Variants in ELMO2 observed in about 807,000 individuals in gnomAD.
ELMO2 encodes engulfment and cell motility 2, also known as engulfment and cell motility protein 2.
ELMO2 carries 37 observed loss-of-function variants against 96.2 expected under a neutral mutation model. The ratio of observed to expected loss-of-function variants is 0.38; its 90% confidence interval spans 0.30 to 0.51. ELMO2 has a LOEUF of 0.51. Among genes scored for constraint, ELMO2 ranks in the 20% least tolerant of loss-of-function variants. ELMO2 has a pLI of 0.88. For missense variants in ELMO2, 561 were observed against 912.6 expected, an observed-to-expected ratio of 0.61 and a Z score of 4.96; for synonymous variants, 315 against 329.4, an observed-to-expected ratio of 0.96 and a Z score of 0.47.
chr20:46,376,833 G>C, intron 11 of ELMO2: 2 of 1,265,844 alleles, frequency 1.6e-6, no homozygotes, highest in South Asian at 2.5e-5. Flanking sequence ...GTGCTGTCCA[G>C]TATAGCAGCC....
At chr20:46,391,681 T>A (rs941241437) in intron 6 of ELMO2, among the ~76,000 whole-genome samples, 2 of 152,212 alleles carry the variant, frequency 1.3e-5, no homozygotes, top group African/African-American at 4.8e-5. Context: ...TTCTATTGAT[T>A]ACCTGCTTTC....
intron 2 of ELMO2, among the ~76,000 whole-genome samples, chr20:46,396,477 G>A (rs2060246669): frequency 6.6e-6 from 1 of 152,020 alleles, no homozygotes; most frequent in Admixed American, 6.5e-5. Flanking sequence ...CACTCAAAAC[G>A]AGACACTGAA....
chr20:46,383,571 C>T (rs2145808109), intron 9 of ELMO2, 77 bp from the exon 10 acceptor site: 1 of 1,313,686 alleles, frequency 7.6e-7, no homozygotes, highest in East Asian at 2.3e-5. Flanking sequence ...TGGTTTAAAA[C>T]AATCACTCAC....
chr20:46,370,197 AC>A (rs1441464329), intron 20 of ELMO2: 2 of 639,622 alleles, frequency 3.1e-6, no homozygotes, highest in Non-Finnish European at 5.8e-6. Context: ...ACAGTGTGAT[AC>A]TTGGGACTTT....
chr20:46,402,476 T>C (rs1027881358), intron 1 of ELMO2, among the ~76,000 whole-genome samples: 1 of 152,240 alleles, frequency 6.6e-6, no homozygotes, highest in African/African-American at 2.4e-5. Flanking sequence ...CCTCAGTTTT[T>C]GGAAATGAGA....
chr20:46,396,211 CT>C (rs976355482), intron 2 of ELMO2, among the ~76,000 whole-genome samples: 2 of 152,192 alleles, frequency 1.3e-5, no homozygotes, highest in African/African-American at 4.8e-5. Context: ...GGAAAATGCT[CT>C]GCTCCAGTTA....
intron 6 of ELMO2, chr20:46,390,991 A>C (rs961736401): frequency 3.9e-5 from 6 of 152,432 alleles, no homozygotes; most frequent in African/African-American, 1.4e-4. Flanking sequence ...CTCCAACTCC[A>C]AATGTCAATT....
rs2059851254 is a variant in ELMO2 at position 46,375,906 on chromosome 20, C to T, written c.808-116G>A. ...GGAAGGGAACAGAGCTTTCCTCCCA[C>T]ACACGAGGACTTCATATTCTAGAAG... On this transcript the variant is annotated intron_variant, in intron 11 of 21. Coordinates refer to ENST00000290246, the MANE Select transcript of ELMO2 (RefSeq NM_133171.5). This position sits in a 1 kb window ranked among gnomAD's most constrained non-coding sequence, Gnocchi z 4.6. 7.4e-7 allele frequency: 1 copy of T among 1,350,250 alleles called. No individual in the cohort carries two copies. The highest frequency in any genetic ancestry group is 1.0e-6 in the Non-Finnish European group (1 of 988,314). The allele number at this position is 1,350,250 out of a possible 1,614,324, so 83.6% of individuals were successfully genotyped here.
At chr20:46,370,670 G>C (rs1289070773) in intron 19 of ELMO2, 145 bp from the exon 20 acceptor site, 3 of 755,824 alleles carry the variant, frequency 4.0e-6, no homozygotes, top group East Asian at 5.1e-5. Context: ...GCTCAGTGAG[G>C]GTGGTGGGGA....
Position 46,373,485 on chromosome 20 carries a change from C to T in ELMO2, c.1330G>A (p.Ala444Thr). The T allele has an allele frequency of 6.2e-7, 1 of 1,614,180 alleles. No homozygotes were observed. The change falls in exon 16 of 22, where the codon GCC becomes ACC. Residue 444 changes from alanine (A) to threonine (T), a missense_variant. Transcript: ENST00000290246. ...CAGATTCCAAAGAGCTCTTCAAAGG[C>T]TCGGTCATGGGTAAAGAACATCGGG... ...YHPMFFTHDR[A>T]FEELFGICIQ...
chr20:46,401,790 C>T (rs1208521007), intron 1 of ELMO2, among the ~76,000 whole-genome samples: 1 of 152,198 alleles, frequency 6.6e-6, no homozygotes, highest in East Asian at 1.9e-4. Context: ...ACTCAACCTT[C>T]AAGGCCCAGC....
Position 46,367,476 on chromosome 20 carries a change from G to C in ELMO2, c.2047C>G (p.Leu683Val). The change falls in exon 22 of 22, where the codon CTG becomes GTG. Residue 683 changes from leucine to valine, a missense_variant. Transcript: ENST00000290246. Reference protein sequence around the residue: ...ELTKSDLDTLLSMEMKLRLLD... With the variant: ...ELTKSDLDTLVSMEMKLRLLD... The stretch of plus-strand genomic sequence containing the variant: ...AGCCGCAGCTTCATCTCCATGCTCA[G>C]CAGGGTGTCCAGGTCACTCTTGGTC... The C allele has an allele frequency of 6.2e-7, 1 of 1,613,818 alleles. No homozygotes were observed. The highest frequency in any genetic ancestry group is 8.5e-7 in the Non-Finnish European group (1 of 1,179,922).
intron 6 of ELMO2, among the ~76,000 whole-genome samples, chr20:46,390,283 G>A (rs1287335788): frequency 6.6e-6 from 1 of 152,128 alleles, no homozygotes; most frequent in Non-Finnish European, 1.5e-5. Context: ...TGTCAAAGAC[G>A]CTGTAGAAGG....
intron 2 of ELMO2, among the ~76,000 whole-genome samples, chr20:46,394,869 A>G (rs950682016): frequency 2.0e-5 from 3 of 152,238 alleles, no homozygotes; most frequent in African/African-American, 7.2e-5. Context: ...GGAGAGAAGC[A>G]TATGCTCCGA....
chr20:46,370,539 G>A lies in ELMO2; in HGVS notation c.1802-14C>T. 6.2e-7 allele frequency: 1 copy of A among 1,612,552 alleles called. No homozygotes were observed. Among genetic ancestry groups the A allele is most frequent in the Non-Finnish European group, 8.5e-7 (1 of 1,178,726 alleles). On this transcript the variant is annotated splice_polypyrimidine_tract_variant and intron_variant, in intron 19 of 21. Coordinates refer to ENST00000290246, the MANE Select transcript of ELMO2 (RefSeq NM_133171.5). Reference sequence around the variant, plus strand: ...CTGCAACAGGAACTGATAAATGATGGGAATTAGTCTCTGGAAGTTCATGCT... The same window carrying A: ...CTGCAACAGGAACTGATAAATGATGAGAATTAGTCTCTGGAAGTTCATGCT...
At chr20:46,374,685 G>C in intron 13 of ELMO2, 45 bp from the exon 14 acceptor site, 1 of 1,576,464 alleles carries the variant, frequency 6.3e-7, no homozygotes, top group East Asian at 2.2e-5. Flanking sequence ...CAGTCTCCGT[G>C]TATGCAGGGA....
intron 20 of ELMO2, chr20:46,369,785 C>T (rs150690485): frequency 1.6e-5 from 3 of 193,246 alleles, no homozygotes; most frequent in South Asian, 1.8e-4. Context: ...AACTGTACCA[C>T]GGGGAAACAA....
chr20:46,371,690 C>T lies in ELMO2; in HGVS notation c.1582G>A (p.Glu528Lys). 6.2e-7 allele frequency: 1 copy of T among 1,613,878 alleles called. No individual in the cohort carries two copies. Among genetic ancestry groups the T allele is most frequent in the South Asian group, 1.1e-5 (1 of 91,074 alleles). ...TCGGGCTGGATCTTCTCCCTCAGCT[C>T]CCTGGGGTGGACACACACTGGAGTG... ...QDDFQSPPIVELREKIQPEIL... is the reference protein window; with the variant it reads ...QDDFQSPPIVKLREKIQPEIL... Residue 528 changes from glutamate (E) to lysine (K), a missense_variant and splice_region_variant, in exon 18 of 22, where the codon GAG (glutamate) becomes AAG (lysine). Transcript: ENST00000290246. The surrounding 1 kb of genome is among the most constrained non-coding windows in gnomAD (Gnocchi z 5.9).
Position 46,386,153 on chromosome 20 carries a change from G to A in ELMO2, c.648C>T (p.Thr216=), listed in dbSNP as rs145510870. The A allele has an allele frequency of 4.0e-5, 65 of 1,613,996 alleles. No individual in the cohort carries two copies. Among genetic ancestry groups the A allele is most frequent in the African/African-American group, 6.7e-5 (5 of 74,890 alleles). ...SLYQKIAEEI[T]VGQLISHLQV... The stretch of plus-strand genomic sequence containing the variant: ...GGAGGTGTGAGATGAGCTGTCCCAC[G>A]GTGATTTCCTCGGCTATCTTCTGGT... The change falls in exon 9 of 22, where the codon ACC becomes ACT. Residue 216 remains threonine (T), a synonymous_variant. Transcript: ENST00000290246.
Sources: allele counts gnomAD v4.1 joint callset (sites outside exome capture counted in the v4.1 genomes callset), GRCh38; gene constraint gnomAD v4.1.1; non-coding constraint Gnocchi (gnomAD v3.1); transcripts MANE v1.5; gene names NCBI Gene and HGNC (gene_info 2026-07-23, HGNC 2026-07-21).